DOC2A: variants seen among roughly 807,000 people sequenced by gnomAD.
DOC2A encodes the protein double C2-like domain-containing protein alpha.
In DOC2A, 28 loss-of-function variants were observed where a neutral mutation model predicts 40.6. That is an observed-to-expected ratio of 0.69 (90% CI 0.51 to 0.95). DOC2A has a LOEUF of 0.95. Among genes scored for constraint, DOC2A ranks in the 40% least tolerant of loss-of-function variants. DOC2A has a pLI of 0.00. For missense variants in DOC2A, 474 were observed against 552.5 expected (o/e 0.86, Z 1.42); for synonymous variants, 241 against 236.9 (o/e 1.02, Z -0.16).
upstream of DOC2A, among the ~76,000 whole-genome samples, chr16:30,017,061 G>C (rs1405207587): frequency 6.6e-6 from 1 of 152,046 alleles, no homozygotes. Context: ...TCCAGAGTAC[G>C]GCATATTCAG....
upstream of DOC2A, among the ~76,000 whole-genome samples, chr16:30,012,886 G>A (rs189681095): frequency 1.1e-4 from 16 of 152,064 alleles, no homozygotes; most frequent in Non-Finnish European, 2.2e-4. Flanking sequence ...TGTGTCTTGG[G>A]AGGCTGAGGC....
At chr16:30,018,262 A>G (rs1596715804) in intron 1 of DOC2A, among the ~76,000 whole-genome samples, 1 of 150,038 alleles carries the variant, frequency 6.7e-6, no homozygotes, top group African/African-American at 2.4e-5. Context: ...CCTGGGCAAC[A>G]GAGTGAGATG....
Position 30,006,126 on chromosome 16 carries a change from G to T in DOC2A, c.*60C>A. On this transcript the variant is annotated 3_prime_UTR_variant, in exon 11 of 11. Transcript: ENST00000350119. The surrounding 1 kb of genome is among the most constrained non-coding windows in gnomAD (Gnocchi z 6.2). ...CCCTGTGTAAACGTGCAACACACTCGTGCGAAGGTTGGGTACTGGACCCGG... is the reference window on the plus strand; with the variant it reads ...CCCTGTGTAAACGTGCAACACACTCTTGCGAAGGTTGGGTACTGGACCCGG... 1 of 1,523,160 alleles carries T rather than the reference G, an allele frequency of 6.6e-7. No homozygotes were observed. Among genetic ancestry groups the T allele is most frequent in the South Asian group, 1.2e-5 (1 of 82,414 alleles). 94.4% of individuals were successfully genotyped at this position (1,523,160 alleles called of 1,614,324 possible).
At position 30,009,587 on chromosome 16, in the gene DOC2A, G is replaced by A. The variant is rs1001010704; in HGVS notation, c.263-30C>T. On this transcript the variant is annotated intron_variant, in intron 2 of 10. Coordinates refer to ENST00000350119, the MANE Select transcript of DOC2A (RefSeq NM_003586.3). This position sits in a 1 kb window ranked among gnomAD's most constrained non-coding sequence, Gnocchi z 4.1. The stretch of plus-strand genomic sequence containing the variant: ...AGAGAGAGGAAAGGCAGCATGGGTC[G>A]GTATGGAGACAGGTGTGTGCGAGAG... The A allele has an allele frequency of 1.4e-5, 21 of 1,540,958 alleles. No homozygotes were observed. The highest frequency in any genetic ancestry group is 3.3e-4 in the Middle Eastern group (2 of 5,998).
Position 30,007,209 on chromosome 16 carries a change from C to G in DOC2A, c.618G>C (p.Lys206Asn). 6.2e-7 allele frequency: 1 copy of G among 1,614,040 alleles called. No homozygotes were observed. The highest frequency in any genetic ancestry group is 8.5e-7 in the Non-Finnish European group (1 of 1,180,020). ...VPLRRLKPSQKKHFNICLERQ... is the reference protein window; with the variant it reads ...VPLRRLKPSQNKHFNICLERQ... ...GCTCGAGGCAGATGTTAAAATGCTT[C>G]TTCTGCGAAGGCTTGAGGCGGCGGA... The change falls in exon 6 of 11, where the codon AAG becomes AAC. Residue 206 changes from lysine (K) to asparagine (N), a missense_variant. Physicochemically the swap from Lys to Asn is moderately conservative, Grantham distance 94. Transcript: ENST00000350119.
chr16:30,011,147 CG>C, upstream of DOC2A: 1 of 699,532 alleles, frequency 1.4e-6, no homozygotes, highest in Non-Finnish European at 1.8e-6. Context: ...GGGGCCCGCT[CG>C]GGAGCGCACG....
rs562685500 is a variant in DOC2A at position 30,017,585 on chromosome 16, A to G, written c.-376+3598T>C. Among the ~76,000 whole-genome samples, 7 of 152,308 alleles carry G rather than the reference A, an allele frequency of 4.6e-5. No individual in the cohort carries two copies. In the South Asian group the frequency reaches 1.5e-3, roughly 32 times the overall value. On this transcript the variant is annotated intron_variant, in intron 1 of 5. Coordinates refer to the DOC2A transcript ENST00000574405. ...ATGTTCTCGTAAGTGGGAGCTAAAC[A>G]TTGGGTACCTATGGACATAAAGATG... is the stretch of plus-strand genomic sequence containing the variant.
rs139432976 is a variant in DOC2A, at chr16:30,007,286, C to T, written c.541G>A (p.Asp181Asn). The T allele has an allele frequency of 3.7e-6, 6 of 1,613,894 alleles. No homozygotes were observed. The highest frequency in any genetic ancestry group is 5.1e-6 in the Non-Finnish European group (6 of 1,180,022). The change falls in exon 6 of 11, where the codon GAT becomes AAT. Residue 181 changes from aspartate (D) to asparagine (N), a missense_variant. Physicochemically the swap from Asp to Asn is conservative, Grantham distance 23. Transcript: ENST00000350119. ...TCATTGTGACTCAGCTTGTCCTCAT[C>T]ACAGACGGCGATCCTGGTCGGGAAC... ...THKVLRIAVC[D>N]EDKLSHNEFI...
At chr16:30,020,626 T>C (rs941660567) in intron 1 of DOC2A, among the ~76,000 whole-genome samples, 1 of 151,990 alleles carries the variant, frequency 6.6e-6, no homozygotes, top group Non-Finnish European at 1.5e-5. Flanking sequence ...GCAGATCACT[T>C]GAGGTCAGGA....
rs1450882411 is a variant in DOC2A, at chr16:30,006,997, C to T, written c.714+34G>A. ...AGCCTGGGCCCCTGCAGCCTCCCAC[C>T]CACATGCATCCCCATCCCCATGAGG... On this transcript the variant is annotated intron_variant, in intron 7 of 10. Transcript: ENST00000350119. This position sits in a 1 kb window ranked among gnomAD's most constrained non-coding sequence, Gnocchi z 6.2. 3.7e-6 allele frequency: 6 copies of T among 1,613,904 alleles called. No individual in the cohort carries two copies. The highest frequency in any genetic ancestry group is 1.3e-5 in the African/African-American group (1 of 74,900).
At chr16:30,020,194 C>A (rs1373717884) in intron 1 of DOC2A, among the ~76,000 whole-genome samples, 1 of 151,366 alleles carries the variant, frequency 6.6e-6, no homozygotes, top group Non-Finnish European at 1.5e-5. Context: ...TAGGTGTGAG[C>A]CACCGCGCCC....
intron 5 of DOC2A, chr16:30,007,785 G>A (rs2150953571): frequency 8.0e-6 from 2 of 249,158 alleles, no homozygotes; most frequent in South Asian, 5.0e-5. Context: ...TCCCTGCCCT[G>A]CCTCCGCAGT....
chr16:30,009,130 T>C lies in DOC2A; in HGVS notation c.418-25A>G, dbSNP rs771639462. 1 of 1,585,182 alleles carries C rather than the reference T, an allele frequency of 6.3e-7. No homozygotes were observed. The highest frequency in any genetic ancestry group is 8.6e-7 in the Non-Finnish European group (1 of 1,159,488). The stretch of plus-strand genomic sequence containing the variant: ...CCTGGGATGTGGGGATGAAAGGTTC[T>C]CAATACCTGTCCTCCAGCCCCACAG... On this transcript the variant is annotated intron_variant, in intron 4 of 10. Transcript: ENST00000350119. This position sits in a 1 kb window ranked among gnomAD's most constrained non-coding sequence, Gnocchi z 4.1.
upstream of DOC2A, chr16:30,011,443 C>T (rs1019052262): frequency 1.6e-5 from 16 of 983,680 alleles, no homozygotes; most frequent in Non-Finnish European, 1.9e-5. Flanking sequence ...GACCTGGCCC[C>T]CCGCCCCCGC....
At chr16:30,007,331 G>A in intron 5 of DOC2A, 32 bp from the exon 6 acceptor site, 1 of 1,613,358 alleles carries the variant, frequency 6.2e-7, no homozygotes, top group Non-Finnish European at 8.5e-7. Context: ...AGGGCCCCTG[G>A]GGTACCTGAG....
Position 30,009,843 on chromosome 16 carries a change from CACTGCCCTCCT to C in DOC2A, c.262+107_262+117del. On this transcript the variant is annotated intron_variant, in intron 2 of 10. Coordinates refer to ENST00000350119, the MANE Select transcript of DOC2A (RefSeq NM_003586.3). The surrounding 1 kb of genome is among the most constrained non-coding windows in gnomAD (Gnocchi z 4.1). ...GTGGTGGCCGTCCCTGCCACCCCCC[CACTGCCCTCCT>C]CCCCTACCTACATGCACAGCCAGCA... 1 of 1,162,538 alleles carries C rather than the reference CACTGCCCTCCT, an allele frequency of 8.6e-7. No individual in the cohort carries two copies. The allele number at this position is 1,162,538 out of a possible 1,614,324, so 72.0% of individuals were successfully genotyped here.
At chr16:30,011,080 G>A (rs973840709), upstream of DOC2A, 243 of 970,944 alleles carry the variant, frequency 2.5e-4, no homozygotes, top group Non-Finnish European at 2.9e-4. Context: ...GCGCGGCGGC[G>A]GGGGACGGGG....
upstream of DOC2A, chr16:30,011,228 G>T: frequency 2.6e-6 from 2 of 781,986 alleles, no homozygotes; most frequent in Non-Finnish European, 3.1e-6. Context: ...GCACACACTC[G>T]TGTGCACACA....
chr16:30,008,997 T>G lies in DOC2A; in HGVS notation c.526A>C (p.Arg176=). The G allele has an allele frequency of 1.2e-6, 2 of 1,611,016 alleles. No individual in the cohort carries two copies. The highest frequency in any genetic ancestry group is 1.7e-6 in the Non-Finnish European group (2 of 1,177,654). Residue 176 remains arginine, a splice_region_variant and synonymous_variant, in exon 5 of 11, where the codon AGG becomes CGG. Transcript: ENST00000350119. ...GGTGGTGGGGAGGGGGGCCCTCACC[T>G]GAGCACCTTGTGCGTGATGTCGTCA... The part of the protein sequence containing the change: ...TDDDITHKVL[R]IAVCDEDKLS...
Sources: gnomAD v4.1 joint callset for allele counts (sites outside exome capture counted in the v4.1 genomes callset) on GRCh38, gnomAD v4.1.1 for gene constraint, Gnocchi (gnomAD v3.1) non-coding constraint, MANE v1.5 for transcripts, NCBI Gene and HGNC (gene_info 2026-07-23, HGNC 2026-07-21) for gene names.